ANKRD11: variants seen among roughly 807,000 people sequenced by gnomAD.
ANKRD11 encodes ankyrin repeat domain-containing protein 11.
In ANKRD11, 17 loss-of-function variants were observed where a neutral mutation model predicts 195.7. That is an observed-to-expected ratio of 0.09 (90% CI 0.06 to 0.13). ANKRD11 has a LOEUF of 0.13. ANKRD11 is among the 10% of genes least tolerant of loss of function. ANKRD11 has a pLI of 1.00. For synonymous variants in ANKRD11, 1,953 were observed against 1,528.1 expected (o/e 1.28, Z -6.49); for missense variants, 3,735 against 3,566.1 (o/e 1.05, Z -1.21).
chr16:89,274,742 T>C, intron 11 of ANKRD11, 72 bp downstream of exon 11: 5 of 1,594,894 alleles, frequency 3.1e-6, no homozygotes, highest in Non-Finnish European at 4.2e-6. Flanking sequence ...GTGCAGAATC[T>C]ATCAAGGGGA....
intron 2 of ANKRD11, among the ~76,000 whole-genome samples, chr16:89,365,722 T>A (rs1252858437): frequency 1.3e-5 from 2 of 152,300 alleles, no homozygotes; most frequent in East Asian, 1.9e-4. Context: ...ACGTTTTTTT[T>A]AACTTTGTTT....
intron 2 of ANKRD11, among the ~76,000 whole-genome samples, chr16:89,353,002 C>A (rs904158543): frequency 3.2e-4 from 48 of 152,306 alleles, no homozygotes; most frequent in African/African-American, 1.0e-3. Flanking sequence ...ATTAACTTTA[C>A]AGGATCCATT....
At chr16:89,379,512 A>T (rs894930272) in intron 2 of ANKRD11, among the ~76,000 whole-genome samples, 5 of 152,042 alleles carry the variant, frequency 3.3e-5, no homozygotes. Context: ...TAAAGAGACA[A>T]AGTCTTGCTC....
chr16:89,303,841 G>A (rs574343968), intron 4 of ANKRD11, among the ~76,000 whole-genome samples: 2 of 152,170 alleles, frequency 1.3e-5, no homozygotes, highest in East Asian at 3.9e-4. Flanking sequence ...GCCTGCTGCC[G>A]TTCCTCTTCA....
intron 3 of ANKRD11, among the ~76,000 whole-genome samples, chr16:89,313,761 T>TAAAGAAGA (rs1347569146): frequency 3.3e-5 from 5 of 152,200 alleles, no homozygotes; most frequent in Admixed American, 1.3e-4. Flanking sequence ...TACAGCCTCT[T>TAAAGAAGA]CTAACAGCAG....
At chr16:89,455,301 T>C (rs35132902) in intron 1 of ANKRD11, among the ~76,000 whole-genome samples, 1,263 of 94,386 alleles carry the variant, frequency 0.013, no homozygotes, top group Middle Eastern at 0.055. Flanking sequence ...TCAAGCTGCT[T>C]CCCTGGGTGC....
At chr16:89,435,882 A>C (rs1309950449) in intron 1 of ANKRD11, among the ~76,000 whole-genome samples, 2 of 151,686 alleles carry the variant, frequency 1.3e-5, no homozygotes, top group Non-Finnish European at 2.9e-5. Flanking sequence ...TTTCACTTCA[A>C]CTTCTGCATT....
At chr16:89,289,731 T>C (rs918995759) in intron 6 of ANKRD11, among the ~76,000 whole-genome samples, 13 of 152,108 alleles carry the variant, frequency 8.5e-5, no homozygotes, top group Non-Finnish European at 1.6e-4. Context: ...AGAGTAAAAT[T>C]TAAAATTCCT....
intron 3 of ANKRD11, among the ~76,000 whole-genome samples, chr16:89,315,052 C>A (rs2036864686): frequency 6.6e-6 from 1 of 152,186 alleles, no homozygotes; most frequent in South Asian, 2.1e-4. Context: ...CCACATCACC[C>A]GTGTGAACAT....
Position 89,280,622 on chromosome 16 carries a change from G to A in ANKRD11, c.5920C>T (p.Pro1974Ser), listed in dbSNP as rs1395778977. ...GGTSENPVSW[P>S]VGSDLLLKSP... Reference sequence around the variant, plus strand: ...TTCAGCAGGAGGTCCGAGCCCACAGGCCAGCTCACAGGGTTTTCAGAGGTG... The same window carrying A: ...TTCAGCAGGAGGTCCGAGCCCACAGACCAGCTCACAGGGTTTTCAGAGGTG... The change falls in exon 9 of 13, where the codon CCT becomes TCT. Residue 1974 changes from proline to serine, a missense_variant. Transcript: ENST00000301030. 5 of 1,613,546 alleles carry A rather than the reference G, an allele frequency of 3.1e-6. No individual in the cohort carries two copies. The African/African-American group carries it at 4.0e-5, about 13-fold the overall frequency.
At chr16:89,449,214 G>A (rs56272221) in intron 1 of ANKRD11, among the ~76,000 whole-genome samples, 4,138 of 150,600 alleles carry the variant, frequency 0.027, 201 homozygotes, top group African/African-American at 0.096. Flanking sequence ...AGAAAAATTT[G>A]CAGGCATGAG....
chr16:89,469,981 T>C lies in ANKRD11; in HGVS notation c.-145+20264A>G, dbSNP rs190569311. ...AGCGCAGTGGTGCGATCTCGGCTCA[T>C]TGCAACCTCCACTTCCCGGGTTCAC... is the stretch of plus-strand genomic sequence containing the variant. On this transcript the variant is annotated intron_variant, in intron 1 of 12. Transcript: ENST00000301030. Among the ~76,000 whole-genome samples, 231 of 150,880 alleles carry C rather than the reference T, an allele frequency of 1.5e-3. 2 individuals are homozygous for C. Among genetic ancestry groups the C allele is most frequent in the African/African-American group, 5.6e-3 (229 of 41,210 alleles).
Position 89,283,719 on chromosome 16 carries a change from C to T in ANKRD11, c.2823G>A (p.Arg941=). 1 of 1,613,696 alleles carries T rather than the reference C, an allele frequency of 6.2e-7. No individual in the cohort carries two copies. The highest frequency in any genetic ancestry group is 2.2e-5 in the East Asian group (1 of 44,870). ...CCCGCCCGGCCTCTGCGGACTCTCTCCTCTTCTTGTCCTTTTCCGAAAGGT... is the reference window on the plus strand; with the variant it reads ...CCCGCCCGGCCTCTGCGGACTCTCTTCTCTTCTTGTCCTTTTCCGAAAGGT... ...PGYLSEKDKK[R]RESAEAGRDR... Residue 941 remains arginine (R), a synonymous_variant, in exon 9 of 13, where the codon AGG becomes AGA. Coordinates refer to ENST00000301030, the MANE Select transcript of ANKRD11 (RefSeq NM_013275.6). This position sits in a 1 kb window ranked among gnomAD's most constrained non-coding sequence, Gnocchi z 4.3.
At chr16:89,444,058 G>A (rs1419130214) in intron 1 of ANKRD11, among the ~76,000 whole-genome samples, 2 of 152,174 alleles carry the variant, frequency 1.3e-5, no homozygotes, top group Admixed American at 1.3e-4. Context: ...TGGGACAAAG[G>A]TTAATGAAAA....
chr16:89,288,770 G>T, intron 6 of ANKRD11, 100 bp from the exon 7 acceptor site: 1 of 1,561,644 alleles, frequency 6.4e-7, no homozygotes, highest in Non-Finnish European at 8.8e-7. Context: ...GCGGGGACAA[G>T]CCAGGTGGGG....
intron 2 of ANKRD11, among the ~76,000 whole-genome samples, chr16:89,399,383 C>T (rs2041598179): frequency 6.6e-6 from 1 of 152,166 alleles, no homozygotes; most frequent in Non-Finnish European, 1.5e-5. Context: ...TAGACGCATG[C>T]TGCTGAGTGA....
chr16:89,268,789 G>A, intron 12 of ANKRD11, 126 bp from the exon 13 acceptor site: 1 of 1,116,888 alleles, frequency 9.0e-7, no homozygotes, highest in East Asian at 2.6e-5. Context: ...GTATGGGCCA[G>A]GCCCAGCTGT....
chr16:89,415,850 A>AAAAAAAAAAAAC (rs928499930), intron 2 of ANKRD11, among the ~76,000 whole-genome samples: 1 of 147,384 alleles, frequency 6.8e-6, no homozygotes, highest in African/African-American at 2.5e-5. Flanking sequence ...AAAAAAAAAA[A>AAAAAAAAAAAAC]CAATGGAGAA....
intron 6 of ANKRD11, 65 bp downstream of exon 6, chr16:89,290,560 T>C: frequency 1.3e-6 from 2 of 1,544,788 alleles, no homozygotes; most frequent in Non-Finnish European, 1.8e-6. Context: ...GGCTCAGGAC[T>C]CCACTGGGGG....
Sources: gnomAD v4.1 joint callset for allele counts (sites outside exome capture counted in the v4.1 genomes callset) on GRCh38, gnomAD v4.1.1 for gene constraint, Gnocchi (gnomAD v3.1) non-coding constraint, MANE v1.5 for transcripts, NCBI Gene and HGNC (gene_info 2026-07-23, HGNC 2026-07-21) for gene names.